The following SCNN1B variants were observed in gnomAD, a reference collection of about 807,000 sequenced individuals.
SCNN1B encodes the protein epithelial sodium channel subunit beta.
In SCNN1B, 46 loss-of-function variants were observed where a neutral mutation model predicts 65.3. The ratio of observed to expected loss-of-function variants is 0.70; its 90% CI spans 0.56 to 0.90. The LOEUF (loss-of-function observed/expected upper bound fraction) is 0.90. Ranked by LOEUF, SCNN1B falls within the 40% of genes least tolerant of loss-of-function variation. The pLI is 0.00. For missense variants in SCNN1B, 751 were observed against 830.5 expected (o/e 0.90, Z 1.18); for synonymous variants, 349 against 330.6 (o/e 1.06, Z -0.60).
intron 1 of SCNN1B, among the ~76,000 whole-genome samples, chr16:23,304,264 C>T (rs936195952): frequency 4.6e-5 from 7 of 152,072 alleles, no homozygotes; most frequent in Admixed American, 2.0e-4. Context: ...CACACACACA[C>T]ATGCACACAT....
At chr16:23,312,432 C>T (rs1961364508) in intron 1 of SCNN1B, among the ~76,000 whole-genome samples, 1 of 152,074 alleles carries the variant, frequency 6.6e-6, no homozygotes, top group South Asian at 2.1e-4. Flanking sequence ...CATGGGATAA[C>T]TTGGTGGGGG....
At chr16:23,317,305 T>C (rs1961492647) in intron 1 of SCNN1B, among the ~76,000 whole-genome samples, 1 of 152,164 alleles carries the variant, frequency 6.6e-6, no homozygotes, top group Admixed American at 6.5e-5. Context: ...ACAAACACTC[T>C]GCAAAGGCGG....
chr16:23,301,699 AG>A (rs1406633326), upstream of SCNN1B, among the ~76,000 whole-genome samples: 1 of 152,124 alleles, frequency 6.6e-6, no homozygotes, highest in East Asian at 1.9e-4. Flanking sequence ...GGCACTCCAG[AG>A]GGGGCCAGAG....
rs200557596 is a variant in SCNN1B at position 23,337,136 on chromosome 16, C to A, written c.-8-11456C>A. Among the ~76,000 whole-genome samples, 7 of 152,170 alleles carry A rather than the reference C, an allele frequency of 4.6e-5. No homozygotes were observed. The East Asian group carries it at 1.4e-3, about 30-fold the overall frequency. On this transcript the variant is annotated intron_variant, in intron 1 of 12. Coordinates refer to ENST00000343070, the MANE Select transcript of SCNN1B (RefSeq NM_000336.3). Reference sequence around the variant, plus strand: ...ATACAATCATAGCTAATTGCAACCTCCAACTCCTGGGCTCAAGCAATCCTC... The same window carrying A: ...ATACAATCATAGCTAATTGCAACCTACAACTCCTGGGCTCAAGCAATCCTC...
At chr16:23,303,070 G>A (rs922710077) in intron 1 of SCNN1B, among the ~76,000 whole-genome samples, 4 of 152,186 alleles carry the variant, frequency 2.6e-5, no homozygotes, top group Admixed American at 6.5e-5. Flanking sequence ...GGCCAGATCC[G>A]AACGCCCTGC....
At chr16:23,281,404 G>A (rs541808696) in intron 1 of SCNN1B, among the ~76,000 whole-genome samples, 3 of 152,300 alleles carry the variant, frequency 2.0e-5, no homozygotes, top group African/African-American at 7.2e-5. Context: ...TTGCACTCCA[G>A]CCTGGGTGAC....
In SCNN1B at chr16:23,348,650, C is replaced by T; in HGVS notation, c.51C>T (p.Gly17=). The change falls in exon 2 of 13, where the codon GGC becomes GGT. Residue 17 remains glycine, a synonymous_variant. Transcript: ENST00000343070. This position sits in a 1 kb window ranked among gnomAD's most constrained non-coding sequence, Gnocchi z 4.5. ...AGGGCCTGCATCGGCTGCAGAAGGG[C>T]CCCGGCTACACGTACAAGGAGCTGC... ...LLKGLHRLQK[G]PGYTYKELLV... 6.2e-7 allele frequency: 1 copy of T among 1,613,562 alleles called. No individual in the cohort carries two copies. The highest frequency in any genetic ancestry group is 1.3e-5 in the African/African-American group (1 of 75,032).
chr16:23,348,985 TTTCCTTTCC>T lies in SCNN1B; in HGVS notation c.311+91_311+99del, dbSNP rs1036275539. 1.1e-5 allele frequency: 14 copies of T among 1,234,942 alleles called. No homozygotes were observed. The highest frequency in any genetic ancestry group is 6.1e-5 in the South Asian group (5 of 82,130). The allele number at this position is 1,234,942 out of a possible 1,614,324, so 76.5% of individuals were successfully genotyped here. ...TTTCTCTCTTTTCTTCCCTTCTACC[TTTCCTTTCC>T]TTCCTTTCCTTCCTTCTCCTTTCTC... is the stretch of plus-strand genomic sequence containing the variant. On this transcript the variant is annotated intron_variant, in intron 2 of 12. Coordinates refer to ENST00000343070, the MANE Select transcript of SCNN1B (RefSeq NM_000336.3). This position sits in a 1 kb window ranked among gnomAD's most constrained non-coding sequence, Gnocchi z 4.5.
intron 1 of SCNN1B, among the ~76,000 whole-genome samples, chr16:23,316,338 C>T (rs1364772847): frequency 6.9e-6 from 1 of 145,600 alleles, no homozygotes; most frequent in Non-Finnish European, 1.5e-5. Flanking sequence ...ACCATCACCA[C>T]CATCGCCGTC....
intron 2 of SCNN1B, among the ~76,000 whole-genome samples, chr16:23,293,369 A>G (rs1960953852): frequency 6.6e-6 from 1 of 152,224 alleles, no homozygotes; most frequent in Admixed American, 6.5e-5. Flanking sequence ...ATGCTACAAC[A>G]TGATGGACCC....
intron 5 of SCNN1B, 97 bp from the exon 6 acceptor site, chr16:23,371,202 G>A: frequency 7.1e-7 from 1 of 1,407,642 alleles, no homozygotes; most frequent in Non-Finnish European, 9.8e-7. Context: ...GTCCCTGGAG[G>A]TCCCCTGGCC....
Position 23,355,465 on chromosome 16 carries a change from T to G in SCNN1B, c.752T>G (p.Phe251Cys). ...GAGCAGATGATCCTGGCCTGCCTAT[T>G]CGGAGCTGAGCCCTGCAACTACCGG... ...PGEQMILACL[F>C]GAEPCNYRNF... is the part of the protein sequence containing the mutation. The change falls in exon 4 of 13, where the codon TTC becomes TGC. Residue 251 changes from phenylalanine to cysteine, a missense_variant. Transcript: ENST00000343070. 6.2e-7 allele frequency: 1 copy of G among 1,614,094 alleles called. No homozygotes were observed. The highest frequency in any genetic ancestry group is 8.5e-7 in the Non-Finnish European group (1 of 1,179,998).
chr16:23,310,896 G>A (rs780862946), intron 1 of SCNN1B, among the ~76,000 whole-genome samples: 10 of 152,186 alleles, frequency 6.6e-5, no homozygotes, highest in Non-Finnish European at 1.3e-4. Flanking sequence ...TGAAGATGCA[G>A]GAAAACCAGG....
chr16:23,341,559 T>A (rs569538769), intron 1 of SCNN1B, among the ~76,000 whole-genome samples: 1 of 152,230 alleles, frequency 6.6e-6, no homozygotes, highest in African/African-American at 2.4e-5. Context: ...AAGTCCTGTC[T>A]GTTAAGGGAC....
intron 2 of SCNN1B, among the ~76,000 whole-genome samples, chr16:23,350,667 T>G (rs528965930): frequency 1.3e-5 from 2 of 152,224 alleles, no homozygotes; most frequent in Non-Finnish European, 2.9e-5. Context: ...AATCTCAGCA[T>G]TTTGAGAGGC....
upstream of SCNN1B, among the ~76,000 whole-genome samples, chr16:23,300,993 C>CATGTGTGTGT (rs3221715): frequency 6.7e-6 from 1 of 148,366 alleles, no homozygotes; most frequent in Non-Finnish European, 1.5e-5. Context: ...GTTAAAAACA[C>CATGTGTGTGT]GTGTGTGTGT....
chr16:23,299,352 G>A (rs547029813), upstream of SCNN1B, among the ~76,000 whole-genome samples: 4 of 152,008 alleles, frequency 2.6e-5, no homozygotes, highest in African/African-American at 7.2e-5. Flanking sequence ...TAGCCACCCC[G>A]CCCAGCCGAA....
chr16:23,354,473 C>T (rs1457844615), intron 3 of SCNN1B, among the ~76,000 whole-genome samples: 5 of 152,234 alleles, frequency 3.3e-5, no homozygotes, highest in African/African-American at 1.2e-4. Context: ...AGTCCCAGGG[C>T]CAAGTCTGTC....
chr16:23,297,381 A>G (rs2141973255), upstream of SCNN1B, among the ~76,000 whole-genome samples: 1 of 152,370 alleles, frequency 6.6e-6, no homozygotes, highest in South Asian at 2.1e-4. Flanking sequence ...TTTTCACCAG[A>G]ATCGGCCAGG....
Sources: gnomAD v4.1 joint callset for allele counts (sites outside exome capture counted in the v4.1 genomes callset) on GRCh38, gnomAD v4.1.1 for gene constraint, Gnocchi (gnomAD v3.1) non-coding constraint, MANE v1.5 for transcripts, NCBI Gene and HGNC (gene_info 2026-07-23, HGNC 2026-07-21) for gene names.